Variants in RAD9A observed in about 807,000 individuals in gnomAD.
RAD9A encodes the protein RAD9 checkpoint clamp component A, also known as cell cycle checkpoint control protein RAD9A.
A neutral mutation model predicts 41.2 loss-of-function variants in RAD9A; 25 were observed. That is an observed-to-expected ratio of 0.61 (90% CI 0.44 to 0.85). RAD9A has a LOEUF of 0.85. RAD9A is among the 40% of genes least tolerant of loss of function. The pLI, the probability that RAD9A is intolerant of heterozygous loss-of-function variation, is 0.00. For synonymous variants in RAD9A, 252 were observed against 210.6 expected, an observed-to-expected ratio of 1.20 and a Z score of -1.70; for missense variants, 514 against 518.3, an observed-to-expected ratio of 0.99 and a Z score of 0.08.
intron 5 of RAD9A, among the ~76,000 whole-genome samples, chr11:67,394,158 C>T (rs1356440412): frequency 6.6e-6 from 1 of 152,218 alleles, no homozygotes; most frequent in Non-Finnish European, 1.5e-5. Context: ...GAAGGTCTGC[C>T]CATAACCTGT....
rs762253409 is a variant in RAD9A, at chr11:67,392,251, G to A, written c.105+20G>A. The A allele has an allele frequency of 6.0e-6, 9 of 1,507,830 alleles. No individual in the cohort carries two copies. Among genetic ancestry groups the A allele is most frequent in the East Asian group, 4.6e-5 (2 of 43,320 alleles). 93.4% of individuals were successfully genotyped at this position (1,507,830 alleles called of 1,614,324 possible). ...GACGGGGTGAGGGGCTAGGGTGTGGGGGGCGGGTGGGACTCCAGCCGGGAG... is the reference window on the plus strand; with the variant it reads ...GACGGGGTGAGGGGCTAGGGTGTGGAGGGCGGGTGGGACTCCAGCCGGGAG... On this transcript the variant is annotated intron_variant, in intron 2 of 10. Coordinates refer to ENST00000307980, the MANE Select transcript of RAD9A (RefSeq NM_004584.3).
chr11:67,395,522 C>A (rs539813465), intron 5 of RAD9A, 194 bp from the exon 6 acceptor site: 106 of 587,248 alleles, frequency 1.8e-4, no homozygotes, highest in African/African-American at 1.8e-3. Context: ...TCTGCATGGT[C>A]AGGTGCCGCC....
intron 9 of RAD9A, among the ~76,000 whole-genome samples, chr11:67,396,626 C>T (rs1862707626): frequency 6.6e-6 from 1 of 152,228 alleles, no homozygotes. Flanking sequence ...GGAAGCATCC[C>T]CAAGGCCCTG....
intron 5 of RAD9A, 138 bp downstream of exon 5, chr11:67,393,928 G>T (rs538536910): frequency 1.2e-5 from 9 of 757,016 alleles, no homozygotes; most frequent in Non-Finnish European, 1.9e-5. Context: ...CCCATGGCCC[G>T]CTATGTGCTC....
chr11:67,394,833 CTT>C (rs1426118435), intron 5 of RAD9A, among the ~76,000 whole-genome samples: 2 of 150,764 alleles, frequency 1.3e-5, no homozygotes, highest in Non-Finnish European at 2.9e-5. Context: ...TCAGGCTGGT[CTT>C]GAACTCCCGA....
chr11:67,397,129 C>T, intron 9 of RAD9A, 50 bp from the exon 10 acceptor site: 1 of 1,454,072 alleles, frequency 6.9e-7, no homozygotes, highest in Non-Finnish European at 9.6e-7. Context: ...AGGTGGGGCC[C>T]TGCCTCTGCT....
intron 3 of RAD9A, chr11:67,393,190 G>C (rs1862581503): frequency 1.4e-6 from 1 of 721,720 alleles, no homozygotes; most frequent in Non-Finnish European, 1.8e-6. Flanking sequence ...TGAGGCAGGA[G>C]AATTGCTTGA....
At chr11:67,394,929 A>C (rs1350205528) in intron 5 of RAD9A, among the ~76,000 whole-genome samples, 1 of 151,842 alleles carries the variant, frequency 6.6e-6, no homozygotes, top group Non-Finnish European at 1.5e-5. Flanking sequence ...TTTTTTAAAA[A>C]TGAGCAATTG....
chr11:67,396,068 T>TCAGCCCAGCC (rs766143352), intron 7 of RAD9A, 43 bp from the exon 8 acceptor site: 18 of 1,613,174 alleles, frequency 1.1e-5, no homozygotes, highest in Non-Finnish European at 1.5e-5. Flanking sequence ...CCTGCCCAGC[T>TCAGCCCAGCC]CAGCCCAGCC....
Position 67,396,349 on chromosome 11 carries a change from A to C in RAD9A, c.821A>C (p.Asp274Ala), listed in dbSNP as rs1862694847. 1 of 1,613,750 alleles carries C rather than the reference A, an allele frequency of 6.2e-7. No individual in the cohort carries two copies. The highest frequency in any genetic ancestry group is 1.1e-5 in the South Asian group (1 of 91,088). ...TCAGACACCGACTCGCACTCCCAGG[A>C]CCTGGGCTCCCCAGAGCGTCACCAG... The part of the protein sequence containing the change: ...TLSDTDSHSQ[D>A]LGSPERHQPV... The change falls in exon 9 of 11, where the codon GAC becomes GCC. Residue 274 changes from aspartate (D) to alanine (A), a missense_variant. Transcript: ENST00000307980.
intron 5 of RAD9A, 59 bp downstream of exon 5, chr11:67,393,849 C>A: frequency 7.2e-7 from 1 of 1,386,950 alleles, no homozygotes; most frequent in South Asian, 1.4e-5. Flanking sequence ...CTTTGGGGCC[C>A]CAAGGGGTTG....
intron 2 of RAD9A, 31 bp downstream of exon 2, chr11:67,392,262 G>GGGGGGGGGGGGGT: frequency 1.7e-6 from 1 of 600,782 alleles, no homozygotes; most frequent in African/African-American, 1.9e-5. Flanking sequence ...GGGCGGGTGG[G>GGGGGGGGGGGGGT]ACTCCAGCCG....
At chr11:67,393,279 C>CAAAAAA in intron 3 of RAD9A, 6 of 1,009,004 alleles carry the variant, frequency 5.9e-6, no homozygotes, top group South Asian at 3.1e-5. Flanking sequence ...GACTCCATCT[C>CAAAAAA]AAAAAAAAAA....
chr11:67,393,533 A>T lies in RAD9A; in HGVS notation c.272A>T (p.Glu91Val). Reference sequence around the variant, plus strand: ...GTCTTCCGCTCACTGGCGATGCTGGAGAAGACGGTGGAAAAATGCTGCATC... The same window carrying T: ...GTCTTCCGCTCACTGGCGATGCTGGTGAAGACGGTGGAAAAATGCTGCATC... ...LSVFRSLAMLEKTVEKCCISL... is the reference protein window; with the variant it reads ...LSVFRSLAMLVKTVEKCCISL... The change falls in exon 4 of 11, where the codon GAG (glutamate) becomes GTG (valine). Residue 91 changes from glutamate to valine, a missense_variant. Glu to Val is a moderately radical substitution (Grantham distance 121, BLOSUM62 -2). Around this residue, in one of 3 missense-constraint regions of RAD9A, gnomAD observed 268 missense variants for 279.3 expected, o/e 0.96. Coordinates refer to ENST00000307980, the MANE Select transcript of RAD9A (RefSeq NM_004584.3). 6.2e-7 allele frequency: 1 copy of T among 1,614,104 alleles called. No homozygotes were observed. The highest frequency in any genetic ancestry group is 8.5e-7 in the Non-Finnish European group (1 of 1,180,024).
At chr11:67,393,468 C>G in intron 3 of RAD9A, 28 bp from the exon 4 acceptor site, 1 of 1,611,968 alleles carries the variant, frequency 6.2e-7, no homozygotes, top group Non-Finnish European at 8.5e-7. Flanking sequence ...AGATGTGATG[C>G]TAGGCTGAGG....
chr11:67,395,442 G>T (rs978455150), intron 5 of RAD9A: 13 of 486,900 alleles, frequency 2.7e-5, no homozygotes, highest in Non-Finnish European at 4.7e-5. Flanking sequence ...AGGATTTCAG[G>T]GCTCTTTCTG....
Position 67,396,404 on chromosome 11 carries a change from AG to A in RAD9A, c.872+7del. ...TGCCTCAGCTCCAGGCTCACAGGTG[AG>A]GGCACCTCCCCCCAACTCCTCCTCT... On this transcript the variant is annotated splice_donor_5th_base_variant and intron_variant, in intron 9 of 10. Coordinates refer to ENST00000307980, the MANE Select transcript of RAD9A (RefSeq NM_004584.3). The A allele has an allele frequency of 6.2e-7, 1 of 1,613,362 alleles. No individual in the cohort carries two copies. Among genetic ancestry groups the A allele is most frequent in the Non-Finnish European group, 8.5e-7 (1 of 1,179,824 alleles).
chr11:67,396,579 T>A (rs1443224696), intron 9 of RAD9A, among the ~76,000 whole-genome samples, 179 bp downstream of exon 9: 1 of 152,098 alleles, frequency 6.6e-6, no homozygotes, highest in African/African-American at 2.4e-5. Context: ...GACTCAGCCT[T>A]CTCGGTTAGC....
rs569787459 is a variant in RAD9A, at chr11:67,392,552, A to G, written c.106-102A>G. 1.2e-5 allele frequency: 18 copies of G among 1,474,892 alleles called. No homozygotes were observed. In the East Asian group the frequency reaches 4.1e-4, roughly 34 times the overall value. The allele number at this position is 1,474,892 out of a possible 1,614,324, so 91.4% of individuals were successfully genotyped here. A position where few individuals can be genotyped will look rare whatever the true frequency, so the allele number is the denominator to read the frequency against. ...AGGGTTTTTCAGCAGGTGGTGGCGG[A>G]GCGGGAGGACGATAGGGCAAGTGTG... On this transcript the variant is annotated intron_variant, in intron 2 of 10. Coordinates refer to ENST00000307980, the MANE Select transcript of RAD9A (RefSeq NM_004584.3).
Sources: allele counts gnomAD v4.1 joint callset (sites outside exome capture counted in the v4.1 genomes callset), GRCh38; gene constraint gnomAD v4.1.1; regional missense constraint gnomAD v4.1.1; transcripts MANE v1.5; gene names NCBI Gene and HGNC (gene_info 2026-07-23, HGNC 2026-07-21).